Variants in USP47 observed in about 807,000 individuals in gnomAD.
USP47 encodes ubiquitin specific peptidase 47.
A neutral mutation model predicts 165.1 loss-of-function variants in USP47; 35 were observed. That is an observed-to-expected ratio of 0.21 (90% confidence interval 0.16 to 0.28). The LOEUF is 0.28. USP47 is among the 10% of genes least tolerant of loss of function. USP47 has a pLI of 1.00. For synonymous variants in USP47, 531 were observed against 544.5 expected (o/e 0.98, Z 0.35); for missense variants, 1,277 against 1,607.4 (o/e 0.79, Z 3.52).
At chr11:11,884,621 A>G in intron 3 of USP47, 41 bp downstream of exon 3, 1 of 1,335,458 alleles carries the variant, frequency 7.5e-7, no homozygotes, top group South Asian at 1.3e-5. Flanking sequence ...ATTTTTGTGC[A>G]CTGTCACCTA....
chr11:11,879,960 C>T (rs1422836543), intron 1 of USP47, among the ~76,000 whole-genome samples: 2 of 151,940 alleles, frequency 1.3e-5, no homozygotes, highest in Non-Finnish European at 2.9e-5. Context: ...CTGAAATGTG[C>T]CTTGATTCTT....
Position 11,842,144 on chromosome 11 carries a change from A to T in USP47, c.-42A>T. 6.5e-7 allele frequency: 1 copy of T among 1,549,432 alleles called. No homozygotes were observed. The highest frequency in any genetic ancestry group is 8.7e-7 in the Non-Finnish European group (1 of 1,145,626). On this transcript the variant is annotated 5_prime_UTR_variant, in exon 1 of 28. Transcript: ENST00000527733. ...AGCTAGCGAGCCGCCGCCACCCTCC[A>T]CCCTCCCCCGGCAGGGCGGAGAGGA...
At chr11:11,924,705 G>A (rs1854105941) in intron 11 of USP47, among the ~76,000 whole-genome samples, 1 of 152,090 alleles carries the variant, frequency 6.6e-6, no homozygotes, top group Non-Finnish European at 1.5e-5. Flanking sequence ...TAAGAAGTTG[G>A]TCTGTTTTAT....
intron 4 of USP47, among the ~76,000 whole-genome samples, chr11:11,892,483 TC>T: frequency 6.9e-6 from 1 of 145,970 alleles, no homozygotes; most frequent in Non-Finnish European, 1.5e-5. Flanking sequence ...CTGGACTCAA[TC>T]AATCCTCCCA....
At chr11:11,853,908 C>T (rs547479611) in intron 1 of USP47, among the ~76,000 whole-genome samples, 5 of 151,938 alleles carry the variant, frequency 3.3e-5, no homozygotes, top group Non-Finnish European at 5.9e-5. Flanking sequence ...GGGTGGATCA[C>T]GAGGTCAGGA....
rs1457077320 is a variant in USP47 at position 11,933,939 on chromosome 11, T to G, written c.1869+4T>G. The G allele has an allele frequency of 3.8e-6, 6 of 1,582,228 alleles. No homozygotes were observed. The highest frequency in any genetic ancestry group is 5.2e-6 in the Non-Finnish European group (6 of 1,155,146). ...AGCAGTAGAAATGGCTTATAAGGTATGTTTAATTGCATCATTGGCATTTAC... is the reference window on the plus strand; with the variant it reads ...AGCAGTAGAAATGGCTTATAAGGTAGGTTTAATTGCATCATTGGCATTTAC... On this transcript the variant is annotated splice_donor_region_variant and intron_variant, in intron 16 of 27. Coordinates refer to ENST00000527733, the MANE Select transcript of USP47 (RefSeq NM_001282659.2).
chr11:11,898,839 G>C (rs1770848349), intron 5 of USP47, among the ~76,000 whole-genome samples: 1 of 152,166 alleles, frequency 6.6e-6, no homozygotes, highest in African/African-American at 2.4e-5. Flanking sequence ...CCTGTCAAAA[G>C]TGAAAGTGAA....
At position 11,862,772 on chromosome 11, in the gene USP47, G is replaced by T. The variant is rs572794522; in HGVS notation, c.40-17405G>T. On this transcript the variant is annotated intron_variant, in intron 1 of 27. Transcript: ENST00000527733. ...GGGTCTCGCCATGTTGCCCAGGCTG[G>T]TCTCGAACTCCTGGGCTCAAGTGAT... 2.6e-4 allele frequency among the ~76,000 whole-genome samples: 40 copies of T among 152,032 alleles called. 1 individual carries two copies. Among genetic ancestry groups the T allele is most frequent in the Middle Eastern group, 3.4e-3 (1 of 294 alleles).
chr11:11,880,077 C>T, intron 1 of USP47, 100 bp from the exon 2 acceptor site: 1 of 806,404 alleles, frequency 1.2e-6, no homozygotes, highest in South Asian at 2.3e-5. Flanking sequence ...TTAGTATTTC[C>T]TGAGGTCTTT....
intron 1 of USP47, among the ~76,000 whole-genome samples, chr11:11,843,619 G>T (rs1029830067): frequency 6.6e-6 from 1 of 152,154 alleles, no homozygotes; most frequent in African/African-American, 2.4e-5. Flanking sequence ...CATATTGCTG[G>T]TTTTCATTTT....
intron 14 of USP47, 72 bp downstream of exon 14, chr11:11,930,823 A>G (rs1854612373): frequency 1.6e-6 from 2 of 1,223,386 alleles, no homozygotes; most frequent in East Asian, 4.8e-5. Flanking sequence ...TTGCAAACCC[A>G]GATAACTACT....
chr11:11,913,165 TAAG>T (rs146501814), intron 8 of USP47, among the ~76,000 whole-genome samples: 3,571 of 142,370 alleles, frequency 0.025, 47 homozygotes, highest in Non-Finnish European at 0.037. Context: ...CACAGTAAGG[TAAG>T]AAGAGGAAAT....
chr11:11,863,162 T>G (rs538963695), intron 1 of USP47, among the ~76,000 whole-genome samples: 6 of 152,310 alleles, frequency 3.9e-5, no homozygotes, highest in Admixed American at 6.5e-5. Context: ...GCTTGATTAT[T>G]TACAGATGTT....
chr11:11,883,608 T>C (rs1331951847), intron 2 of USP47, among the ~76,000 whole-genome samples: 1 of 152,218 alleles, frequency 6.6e-6, no homozygotes, highest in Non-Finnish European at 1.5e-5. Flanking sequence ...TTTGAAACAT[T>C]AAAAACATTT....
intron 8 of USP47, among the ~76,000 whole-genome samples, chr11:11,919,083 A>G (rs1853638327): frequency 6.6e-6 from 1 of 151,962 alleles, no homozygotes; most frequent in African/African-American, 2.4e-5. Flanking sequence ...AGAACAAAAT[A>G]GGGGATCAGA....
intron 20 of USP47, 61 bp from the exon 21 acceptor site, chr11:11,947,884 T>C: frequency 6.6e-7 from 1 of 1,519,654 alleles, no homozygotes; most frequent in South Asian, 1.3e-5. Flanking sequence ...ATCTGTTTTA[T>C]TTATACTCAG....
At chr11:11,952,620 G>A in intron 24 of USP47, 121 bp from the exon 25 acceptor site, 1 of 1,181,324 alleles carries the variant, frequency 8.5e-7, no homozygotes, top group Non-Finnish European at 1.1e-6. Context: ...TTTTTCTTGT[G>A]CCCACTTTTT....
At chr11:11,943,253 T>TA in intron 20 of USP47, 141 bp downstream of exon 20, 1 of 911,296 alleles carries the variant, frequency 1.1e-6, no homozygotes, top group Non-Finnish European at 1.6e-6. Flanking sequence ...GACGCAGTTG[T>TA]AATGAACACT....
intron 11 of USP47, among the ~76,000 whole-genome samples, chr11:11,927,221 T>G (rs1439047782): frequency 7.0e-6 from 1 of 142,496 alleles, no homozygotes; most frequent in Non-Finnish European, 1.6e-5. Flanking sequence ...CTGCCTCCCC[T>G]GAAGATTTTT....
Sources: allele counts gnomAD v4.1 joint callset (sites outside exome capture counted in the v4.1 genomes callset), GRCh38; gene constraint gnomAD v4.1.1; transcripts MANE v1.5; gene names NCBI Gene and HGNC (gene_info 2026-07-23, HGNC 2026-07-21).